The following CDH20 variants were observed in gnomAD, a reference collection of about 807,000 sequenced individuals.
CDH20 encodes the protein cadherin 20, also known as cadherin-20.
Under a neutral mutation model 74.2 loss-of-function variants are expected in CDH20, and 29 were observed. The observed-to-expected ratio is 0.39, with a 90% CI of 0.29 to 0.53. The LOEUF is 0.53. Ranked by LOEUF, CDH20 falls within the 20% of genes least tolerant of loss-of-function variation. The pLI, the probability that CDH20 is intolerant of heterozygous loss-of-function variation, is 0.69. For synonymous variants in CDH20, 469 were observed against 405.4 expected (o/e 1.16, Z -1.88); for missense variants, 988 against 1,048.3 (o/e 0.94, Z 0.79).
intron 6 of CDH20, among the ~76,000 whole-genome samples, chr18:61,517,698 G>GTTT (rs1297364983): frequency 6.8e-6 from 1 of 146,084 alleles, no homozygotes; most frequent in African/African-American, 2.7e-5. Context: ...AGTTTTTTTT[G>GTTT]TTGTTGTTGT....
intron 1 of CDH20, among the ~76,000 whole-genome samples, chr18:61,454,204 G>GT (rs1312956324): frequency 6.6e-6 from 1 of 152,066 alleles, no homozygotes; most frequent in African/African-American, 2.4e-5. Context: ...CTAAATACTA[G>GT]TTTTTTGTTA....
In CDH20 at chr18:61,539,112, A is replaced by G. The variant is rs1312145809; in HGVS notation, c.1497A>G (p.Glu499=). Residue 499 remains glutamate (E), a synonymous_variant, in exon 9 of 12, where the codon GAA becomes GAG. Coordinates refer to ENST00000262717, the MANE Select transcript of CDH20 (RefSeq NM_031891.4). ...DNAPEFPRFY[E]AFVCENAKAG... is the part of the protein sequence containing the mutation. Reference sequence around the variant, plus strand: ...CTCCAGAGTTCCCCAGATTCTATGAAGCTTTTGTCTGTGAGAACGCCAAGG... The same window carrying G: ...CTCCAGAGTTCCCCAGATTCTATGAGGCTTTTGTCTGTGAGAACGCCAAGG... 3.1e-6 allele frequency: 5 copies of G among 1,614,124 alleles called. No homozygotes were observed. Among genetic ancestry groups the G allele is most frequent in the Non-Finnish European group, 4.2e-6 (5 of 1,180,020 alleles).
intron 1 of CDH20, among the ~76,000 whole-genome samples, chr18:61,401,522 A>C (rs1568125638): frequency 1.3e-5 from 2 of 152,212 alleles, no homozygotes; most frequent in Non-Finnish European, 2.9e-5. Context: ...TAGACAACCA[A>C]GGGTTAAATG....
chr18:61,335,251 G>T (rs962267765), intron 1 of CDH20, among the ~76,000 whole-genome samples: 7 of 152,144 alleles, frequency 4.6e-5, no homozygotes, highest in Non-Finnish European at 1.0e-4. Flanking sequence ...CACCCTTGCA[G>T]TCTCGTTGGA....
intron 1 of CDH20, among the ~76,000 whole-genome samples, chr18:61,431,332 C>T (rs1312003353): frequency 1.3e-5 from 2 of 152,126 alleles, no homozygotes; most frequent in Non-Finnish European, 2.9e-5. Context: ...TAAATGTAGC[C>T]TGGATGAGAT....
chr18:61,519,034 C>T (rs1035374083), intron 6 of CDH20, among the ~76,000 whole-genome samples: 8 of 150,774 alleles, frequency 5.3e-5, no homozygotes, highest in Non-Finnish European at 8.8e-5. Context: ...AATTGAAGAT[C>T]AACTTAATGA....
chr18:61,407,457 A>T (rs1383835104), intron 1 of CDH20, among the ~76,000 whole-genome samples: 1 of 152,216 alleles, frequency 6.6e-6, no homozygotes, highest in African/African-American at 2.4e-5. Flanking sequence ...ATTTTCAACA[A>T]CAAGAATTAA....
intron 1 of CDH20, among the ~76,000 whole-genome samples, chr18:61,362,883 C>T (rs1910745755): frequency 6.6e-6 from 1 of 152,004 alleles, no homozygotes; most frequent in South Asian, 2.1e-4. Flanking sequence ...CAAAATTTCT[C>T]AAAAATGTCA....
intron 1 of CDH20, among the ~76,000 whole-genome samples, chr18:61,432,561 T>C (rs141623101): frequency 4.1e-4 from 63 of 152,324 alleles, no homozygotes; most frequent in African/African-American, 1.4e-3. Flanking sequence ...CCTTCCACAG[T>C]TGAAAGTACT....
At chr18:61,417,729 A>G (rs1280960367) in intron 1 of CDH20, among the ~76,000 whole-genome samples, 1 of 152,080 alleles carries the variant, frequency 6.6e-6, no homozygotes, top group Non-Finnish European at 1.5e-5. Context: ...GAGGAGTAAG[A>G]TCTACTGTTT....
At chr18:61,500,616 A>T in intron 4 of CDH20, 114 bp downstream of exon 4, 1 of 1,107,152 alleles carries the variant, frequency 9.0e-7, no homozygotes, top group Non-Finnish European at 1.3e-6. Context: ...TATTAACCAG[A>T]GAAGACTGCT....
chr18:61,511,573 T>C (rs917068097), intron 6 of CDH20, among the ~76,000 whole-genome samples: 11 of 152,296 alleles, frequency 7.2e-5, no homozygotes, highest in Admixed American at 3.3e-4. Flanking sequence ...AATGTTATCT[T>C]ATGTCTTAAA....
intron 1 of CDH20, among the ~76,000 whole-genome samples, chr18:61,435,773 T>C (rs9958456): frequency 0.16 from 24,911 of 151,410 alleles, 2,282 homozygotes; most frequent in African/African-American, 0.23. Flanking sequence ...TTTGTTGAGA[T>C]AGATTTCAAA....
intron 1 of CDH20, among the ~76,000 whole-genome samples, chr18:61,436,752 T>C (rs1474060890): frequency 6.6e-6 from 1 of 152,150 alleles, no homozygotes; most frequent in Non-Finnish European, 1.5e-5. Flanking sequence ...TGTGGGTACC[T>C]ACCAGCTCCA....
intron 1 of CDH20, among the ~76,000 whole-genome samples, chr18:61,461,474 G>A (rs1240807306): frequency 6.6e-6 from 1 of 152,062 alleles, no homozygotes; most frequent in African/African-American, 2.4e-5. Context: ...CATGGCCCCA[G>A]GCATCCCTTG....
chr18:61,510,965 T>G (rs147280223), intron 6 of CDH20, among the ~76,000 whole-genome samples: 421 of 23,738 alleles, frequency 0.018, 5 homozygotes, highest in African/African-American at 0.062. Flanking sequence ...GGGTTTTTTC[T>G]TTCTTTCTTT....
At chr18:61,529,782 C>A (rs1912574572) in intron 7 of CDH20, among the ~76,000 whole-genome samples, 1 of 152,214 alleles carries the variant, frequency 6.6e-6, no homozygotes, top group Non-Finnish European at 1.5e-5. Context: ...TCACCACTGG[C>A]ATGAAGTAAA....
intron 1 of CDH20, among the ~76,000 whole-genome samples, chr18:61,431,056 G>C (rs2144295810): frequency 6.6e-6 from 1 of 152,222 alleles, no homozygotes; most frequent in Admixed American, 6.6e-5. Context: ...GTAATTCTCT[G>C]TTTCTATCCA....
At chr18:61,523,989 A>G (rs1264939627) in intron 6 of CDH20, among the ~76,000 whole-genome samples, 2 of 152,080 alleles carry the variant, frequency 1.3e-5, no homozygotes, top group Admixed American at 6.6e-5. Context: ...GCAGCAAACC[A>G]CCATGGCACA....
Sources: gnomAD v4.1 joint callset for allele counts (sites outside exome capture counted in the v4.1 genomes callset) on GRCh38, gnomAD v4.1.1 for gene constraint, MANE v1.5 for transcripts, NCBI Gene and HGNC (gene_info 2026-07-23, HGNC 2026-07-21) for gene names.